UFL1: variants seen among roughly 807,000 people sequenced by gnomAD.
UFL1 encodes UFM1 specific ligase 1.
A neutral mutation model predicts 99.3 loss-of-function variants in UFL1; 78 were observed. That is an observed-to-expected ratio of 0.79 (90% confidence interval 0.65 to 0.95). UFL1 has a LOEUF of 0.95. UFL1 is among the 40% of genes least tolerant of loss of function. UFL1 has a pLI of 0.00. For synonymous variants in UFL1, 335 were observed against 322.2 expected, an observed-to-expected ratio of 1.04 and a Z score of -0.42; for missense variants, 936 against 937.0, an observed-to-expected ratio of 1.00 and a Z score of 0.01.
rs1027543795 is a variant in UFL1 at position 96,546,090 on chromosome 6, C to T, written c.1403-2074C>T. 4.6e-5 allele frequency among the ~76,000 whole-genome samples: 7 copies of T among 151,156 alleles called. No individual in the cohort carries two copies. The Admixed American group carries it at 4.6e-4, about 10-fold the overall frequency. On this transcript the variant is annotated intron_variant, in intron 12 of 18. Coordinates refer to ENST00000369278, the MANE Select transcript of UFL1 (RefSeq NM_015323.5). ...GAGGAAGTCAGATTATCTCTGTTCT[C>T]TGATGACACGATCATATACCTAGAA...
At chr6:96,541,017 TC>T in intron 11 of UFL1, among the ~76,000 whole-genome samples, 1 of 151,456 alleles carries the variant, frequency 6.6e-6, no homozygotes, top group Middle Eastern at 3.4e-3. Context: ...CACCAACTGT[TC>T]CTTTTACCTG....
At chr6:96,524,324 T>C in intron 2 of UFL1, 58 bp from the exon 3 acceptor site, 1 of 1,477,152 alleles carries the variant, frequency 6.8e-7, no homozygotes, top group Middle Eastern at 1.7e-4. Context: ...AATTTATAGC[T>C]TTGGGTTGGT....
chr6:96,534,376 G>A (rs1165017893), intron 7 of UFL1, 55 bp downstream of exon 7: 4 of 1,263,182 alleles, frequency 3.2e-6, no homozygotes, highest in South Asian at 1.5e-5. Flanking sequence ...GACTATTAAT[G>A]TAAAACTTAC....
intron 6 of UFL1, among the ~76,000 whole-genome samples, chr6:96,529,347 T>C (rs1351303917): frequency 2.0e-5 from 3 of 152,190 alleles, no homozygotes; most frequent in African/African-American, 7.2e-5. Flanking sequence ...TTCTATATCA[T>C]CTATCATGCT....
chr6:96,538,149 G>A (rs1291060780), intron 9 of UFL1, among the ~76,000 whole-genome samples: 1 of 151,690 alleles, frequency 6.6e-6, no homozygotes, highest in African/African-American at 2.4e-5. Context: ...TACCTTCTGT[G>A]TGCCAGGCAC....
intron 12 of UFL1, among the ~76,000 whole-genome samples, chr6:96,544,585 G>A (rs1769975511): frequency 2.0e-5 from 3 of 150,946 alleles, no homozygotes; most frequent in Non-Finnish European, 4.5e-5. Context: ...AAAGTATTCT[G>A]AGATAGGTAG....
At position 96,537,410 on chromosome 6, in the gene UFL1, C is replaced by T; in HGVS notation, c.839C>T (p.Ala280Val). 6.3e-7 allele frequency: 1 copy of T among 1,595,482 alleles called. No individual in the cohort carries two copies. Among genetic ancestry groups the T allele is most frequent in the Middle Eastern group, 1.7e-4 (1 of 5,956 alleles). The part of the protein sequence containing the change: ...DALSRLGIPD[A>V]VSYIKKRYKT... Reference sequence around the variant, plus strand: ...TTGTCCAGACTTGGAATCCCAGATGCTGTAAGCTACATAAAGAAAAGATAT... The same window carrying T: ...TTGTCCAGACTTGGAATCCCAGATGTTGTAAGCTACATAAAGAAAAGATAT... The change falls in exon 9 of 19, where the codon GCT becomes GTT. Residue 280 changes from alanine (A) to valine (V), a missense_variant. Ala to Val is a moderately conservative substitution (Grantham distance 64). Transcript: ENST00000369278.
chr6:96,541,887 G>C (rs1562254903), intron 11 of UFL1, among the ~76,000 whole-genome samples: 1 of 150,918 alleles, frequency 6.6e-6, no homozygotes, highest in Non-Finnish European at 1.5e-5. Context: ...TAAAAAGCAT[G>C]TTCACTTTAG....
chr6:96,533,387 G>A (rs1460091187), intron 6 of UFL1, among the ~76,000 whole-genome samples: 1 of 152,032 alleles, frequency 6.6e-6, no homozygotes, highest in East Asian at 1.9e-4. Context: ...TAAACAAAAT[G>A]TGGTATATTC....
intron 10 of UFL1, among the ~76,000 whole-genome samples, chr6:96,540,213 G>A (rs1769911535): frequency 6.6e-6 from 1 of 151,438 alleles, no homozygotes; most frequent in Admixed American, 6.6e-5. Context: ...GGAGCATGGG[G>A]CATCAATTAA....
In UFL1 at chr6:96,549,663, T is replaced by G; in HGVS notation, c.1688-6T>G. The stretch of plus-strand genomic sequence containing the variant: ...TTAGTTTTAATAAAGGTCCTTTATT[T>G]TCCAGATGACACACAGGCTGCTCTT... On this transcript the variant is annotated splice_region_variant and splice_polypyrimidine_tract_variant and intron_variant, in intron 14 of 18. Transcript: ENST00000369278. 6.2e-7 allele frequency: 1 copy of G among 1,600,586 alleles called. No homozygotes were observed. The highest frequency in any genetic ancestry group is 8.5e-7 in the Non-Finnish European group (1 of 1,175,118).
chr6:96,532,187 A>G (rs571468104), intron 6 of UFL1, among the ~76,000 whole-genome samples: 4 of 152,270 alleles, frequency 2.6e-5, no homozygotes, highest in Admixed American at 1.3e-4. Context: ...ATTTTGCACA[A>G]CTCAATTCAT....
intron 8 of UFL1, among the ~76,000 whole-genome samples, chr6:96,537,081 C>T (rs975047710): frequency 4.6e-5 from 7 of 151,568 alleles, no homozygotes; most frequent in African/African-American, 1.7e-4. Flanking sequence ...CAGTAATAAA[C>T]CTGTAAGTCC....
In UFL1 at chr6:96,537,381, T is replaced by G. The variant is rs199627983; in HGVS notation, c.810T>G (p.Asp270Glu). Reference protein sequence around the residue: ...FFRQNGYLEFDALSRLGIPDA... With the variant: ...FFRQNGYLEFEALSRLGIPDA... The stretch of plus-strand genomic sequence containing the variant: ...TTTGTGATATATTTGTAGAATTTGA[T>G]GCTTTGTCCAGACTTGGAATCCCAG... The change falls in exon 9 of 19, where the codon GAT (aspartate) becomes GAG (glutamate). Residue 270 changes from aspartate (D) to glutamate (E), a missense_variant. Physicochemically the swap from Asp to Glu is conservative, Grantham distance 45. Coordinates refer to ENST00000369278, the MANE Select transcript of UFL1 (RefSeq NM_015323.5). 4.2e-5 allele frequency: 65 copies of G among 1,556,810 alleles called. No individual in the cohort carries two copies. In the Middle Eastern group the frequency reaches 1.9e-3, roughly 46 times the overall value.
At chr6:96,549,119 A>G (rs1002782585) in intron 13 of UFL1, among the ~76,000 whole-genome samples, 1 of 151,682 alleles carries the variant, frequency 6.6e-6, no homozygotes, top group African/African-American at 2.4e-5. Flanking sequence ...ATAGTCTACT[A>G]GTCTCCAAAT....
intron 16 of UFL1, 93 bp downstream of exon 16, chr6:96,551,606 C>T (rs951158224): frequency 1.2e-5 from 11 of 937,966 alleles, no homozygotes; most frequent in African/African-American, 1.7e-5. Context: ...ATTGTAAATC[C>T]AATCTAAAAC....
Position 96,523,173 on chromosome 6 carries a change from T to C in UFL1, c.105T>C (p.Ile35=), listed in dbSNP as rs754156860. Residue 35 remains isoleucine, a synonymous_variant, in exon 2 of 19, where the codon ATT becomes ATC. Coordinates refer to ENST00000369278, the MANE Select transcript of UFL1 (RefSeq NM_015323.5). ...QRLSERNCIE[I]VNKLIAQKQL... Reference sequence around the variant, plus strand: ...TGTCCGAGCGGAACTGCATTGAGATTGTTAATAAATTGATTGCTCAGAAAC... The same window carrying C: ...TGTCCGAGCGGAACTGCATTGAGATCGTTAATAAATTGATTGCTCAGAAAC... The C allele has an allele frequency of 4.3e-6, 7 of 1,612,242 alleles. No homozygotes were observed. The highest frequency in any genetic ancestry group is 5.9e-6 in the Non-Finnish European group (7 of 1,179,288).
intron 9 of UFL1, among the ~76,000 whole-genome samples, chr6:96,538,408 T>C (rs1398370656): frequency 6.6e-6 from 1 of 151,680 alleles, no homozygotes; most frequent in East Asian, 1.9e-4. Flanking sequence ...GAGATGTCTG[T>C]TAGGCATGCA....
Position 96,528,483 on chromosome 6 carries a change from T to G in UFL1, c.466-19T>G, listed in dbSNP as rs1439966514. ...TTCTTTTCTTTTAAATTAATAAAAA[T>G]GTACATCTTTACCCACAGGCACTAA... is the stretch of plus-strand genomic sequence containing the variant. On this transcript the variant is annotated intron_variant, in intron 5 of 18. Transcript: ENST00000369278. 1.2e-6 allele frequency: 2 copies of G among 1,605,188 alleles called. No homozygotes were observed. Among genetic ancestry groups the G allele is most frequent in the Admixed American group, 1.7e-5 (1 of 57,870 alleles).
Sources: gnomAD v4.1 joint callset for allele counts (sites outside exome capture counted in the v4.1 genomes callset) on GRCh38, gnomAD v4.1.1 for gene constraint, MANE v1.5 for transcripts, NCBI Gene and HGNC (gene_info 2026-07-23, HGNC 2026-07-21) for gene names.